Variants in ZMYND11 observed in about 807,000 individuals in gnomAD.
The protein encoded by ZMYND11 is zinc finger MYND-type containing 11.
ZMYND11 carries 9 observed loss-of-function variants against 84.9 expected under a neutral mutation model. The ratio of observed to expected loss-of-function variants is 0.11; its 90% CI spans 0.06 to 0.18. ZMYND11 has a LOEUF of 0.18. ZMYND11 is among the 10% of genes least tolerant of loss of function. The probability of loss-of-function intolerance (pLI) is 1.00; values close to 1 mark genes in which losing one functional copy is unlikely to be tolerated. For missense variants in ZMYND11, 409 were observed against 761.0 expected (o/e 0.54, Z 5.44); for synonymous variants, 250 against 244.1 (o/e 1.02, Z -0.23).
intron 2 of ZMYND11, among the ~76,000 whole-genome samples, chr10:187,050 A>G (rs1202361141): frequency 3.3e-5 from 5 of 151,956 alleles, no homozygotes; most frequent in Admixed American, 2.6e-4. Flanking sequence ...CAACATATTG[A>G]GACCCTATCT....
chr10:195,296 A>G (rs975173263), intron 2 of ZMYND11, among the ~76,000 whole-genome samples: 30 of 152,368 alleles, frequency 2.0e-4, no homozygotes, highest in African/African-American at 6.5e-4. Context: ...AATGATCTCA[A>G]GTGAAAGTTC....
chr10:224,736 CCTTT>C (rs1304041098), intron 4 of ZMYND11, among the ~76,000 whole-genome samples: 2 of 152,134 alleles, frequency 1.3e-5, no homozygotes, highest in Non-Finnish European at 2.9e-5. Context: ...CCCAGAATGA[CCTTT>C]TTTTGGCACC....
At chr10:186,360 C>T (rs909041577) in intron 2 of ZMYND11, among the ~76,000 whole-genome samples, 6 of 151,520 alleles carry the variant, frequency 4.0e-5, no homozygotes, top group Non-Finnish European at 7.4e-5. Flanking sequence ...AAAGAAATTC[C>T]GGCCGGGCGC....
At chr10:158,665 CCTT>C (rs1398616989) in intron 1 of ZMYND11, among the ~76,000 whole-genome samples, 1 of 150,852 alleles carries the variant, frequency 6.6e-6, no homozygotes, top group Non-Finnish European at 1.5e-5. Flanking sequence ...AAGTGATCTG[CCTT>C]CTTCGGCCTC....
chr10:211,645 C>G (rs1466512229), intron 3 of ZMYND11, among the ~76,000 whole-genome samples: 1 of 152,158 alleles, frequency 6.6e-6, no homozygotes. Context: ...ACCTTCAAAG[C>G]TTCAGGAAAG....
chr10:235,834 G>C (rs897415739), intron 4 of ZMYND11, among the ~76,000 whole-genome samples: 3 of 152,228 alleles, frequency 2.0e-5, no homozygotes, highest in African/African-American at 7.2e-5. Flanking sequence ...CTAATAAAAT[G>C]TGTTTCCACT....
intron 10 of ZMYND11, among the ~76,000 whole-genome samples, chr10:242,855 C>CCTATAAATACTGTAAATTTCCCAGAAGG (rs1209221963): frequency 9.2e-5 from 14 of 152,182 alleles, no homozygotes; most frequent in African/African-American, 3.1e-4. Context: ...TTATAAGAAA[C>CCTATAAATACTGTAAATTTCCCAGAAGG]CTATAAATAC....
chr10:240,814 A>ATCT, intron 8 of ZMYND11, 79 bp from the exon 9 acceptor site: 1 of 1,079,982 alleles, frequency 9.3e-7, no homozygotes, highest in South Asian at 1.4e-5. Context: ...GTGAATGTTA[A>ATCT]TTTACATGGA....
intron 1 of ZMYND11, chr10:154,848 A>G (rs1272564261): frequency 2.0e-5 from 3 of 152,084 alleles, no homozygotes; most frequent in African/African-American, 7.2e-5. Context: ...AATTTCTCTT[A>G]TTTTCTCTCC....
intron 4 of ZMYND11, among the ~76,000 whole-genome samples, chr10:233,297 G>A (rs1176515417): frequency 6.6e-6 from 1 of 152,184 alleles, no homozygotes; most frequent in Non-Finnish European, 1.5e-5. Context: ...GTGCACTGGT[G>A]CAGCCAAGTC....
intron 13 of ZMYND11, 83 bp downstream of exon 13, chr10:248,691 C>T (rs1160284765): frequency 2.0e-6 from 3 of 1,479,880 alleles, no homozygotes; most frequent in Non-Finnish European, 2.7e-6. Context: ...TGCATCAACC[C>T]AGTAGCAGCT....
intron 14 of ZMYND11, 88 bp downstream of exon 14, chr10:249,176 G>T: frequency 6.3e-7 from 1 of 1,575,112 alleles, no homozygotes; most frequent in Non-Finnish European, 8.6e-7. Flanking sequence ...TGTGGCACAT[G>T]CAGAAGATGT....
chr10:249,806 A>G (rs1952974769), intron 14 of ZMYND11: 1 of 955,920 alleles, frequency 1.0e-6, no homozygotes, highest in Non-Finnish European at 1.2e-6. Context: ...TCTTCATTTT[A>G]TCAAGCCTAT....
At chr10:163,422 A>AT (rs1554762654) in intron 1 of ZMYND11, among the ~76,000 whole-genome samples, 1 of 151,610 alleles carries the variant, frequency 6.6e-6, no homozygotes, top group South Asian at 2.1e-4. Flanking sequence ...TATATCATGT[A>AT]TTTTTCTTGT....
intron 9 of ZMYND11, among the ~76,000 whole-genome samples, chr10:241,583 C>G (rs936753573): frequency 6.6e-6 from 1 of 152,254 alleles, no homozygotes; most frequent in Non-Finnish European, 1.5e-5. Context: ...CAAAATAATA[C>G]AGCTTCAAAC....
intron 2 of ZMYND11, among the ~76,000 whole-genome samples, chr10:205,053 GGA>G (rs1184806756): frequency 6.6e-6 from 1 of 151,966 alleles, no homozygotes; most frequent in Non-Finnish European, 1.5e-5. Flanking sequence ...GAGTCTCATT[GGA>G]GTTACCTGGT....
chr10:144,640 C>CTTT (rs11348115), intron 1 of ZMYND11, among the ~76,000 whole-genome samples: 3 of 110,056 alleles, frequency 2.7e-5, no homozygotes, highest in African/African-American at 6.9e-5. Flanking sequence ...GTCTGAATTC[C>CTTT]TTTTTTTTTT....
intron 5 of ZMYND11, 110 bp downstream of exon 5, chr10:237,025 G>A: frequency 1.0e-6 from 1 of 970,274 alleles, no homozygotes; most frequent in South Asian, 1.7e-5. Flanking sequence ...ATAGCAATAT[G>A]AAGTGTGGAG....
chr10:158,364 T>C (rs1842161291), intron 1 of ZMYND11, among the ~76,000 whole-genome samples: 1 of 152,096 alleles, frequency 6.6e-6, no homozygotes, highest in African/African-American at 2.4e-5. Context: ...CACCGGTTTC[T>C]ATTATTGTAC....
Sources: allele counts gnomAD v4.1 joint callset (sites outside exome capture counted in the v4.1 genomes callset), GRCh38; gene constraint gnomAD v4.1.1; transcripts MANE v1.5; gene names NCBI Gene and HGNC (gene_info 2026-07-23, HGNC 2026-07-21).